TMTC1: variants seen among roughly 807,000 people sequenced by gnomAD.
The protein encoded by TMTC1 is protein O-mannosyl-transferase TMTC1.
A neutral mutation model predicts 104.8 loss-of-function variants in TMTC1; 73 were observed. That is an observed-to-expected ratio of 0.70 (90% CI 0.58 to 0.85). TMTC1 has a LOEUF of 0.85. Among genes scored for constraint, TMTC1 ranks in the 40% least tolerant of loss-of-function variants. TMTC1 has a pLI of 0.00. For synonymous variants in TMTC1, 434 were observed against 428.7 expected (o/e 1.01, Z -0.15); for missense variants, 1,035 against 1,096.1 (o/e 0.94, Z 0.79).
chr12:29,725,999 A>G (rs1261497043), intron 5 of TMTC1, among the ~76,000 whole-genome samples: 1 of 152,262 alleles, frequency 6.6e-6, no homozygotes, highest in Admixed American at 6.5e-5. Flanking sequence ...TTAAAGATCC[A>G]GGCCTTTATA....
In TMTC1 at chr12:29,643,834, T is replaced by C. The variant is rs867690253; in HGVS notation, c.939-10498A>G. Among the ~76,000 whole-genome samples, 145 of 73,582 alleles carry C rather than the reference T, an allele frequency of 2.0e-3. 2 individuals are homozygous for C. Among genetic ancestry groups the C allele is most frequent in the African/African-American group, 8.0e-3 (136 of 17,062 alleles). 48.3% of individuals were successfully genotyped at this position (73,582 alleles called of 152,430 possible). ...ATTTATATATATTTATATATTTATA[T>C]ATATTTATATATTTATATATATTTA... On this transcript the variant is annotated intron_variant, in intron 5 of 17. Transcript: ENST00000539277.
intron 7 of TMTC1, among the ~76,000 whole-genome samples, chr12:29,589,263 T>C (rs1294510517): frequency 6.6e-6 from 1 of 152,198 alleles, no homozygotes; most frequent in Non-Finnish European, 1.5e-5. Flanking sequence ...AAAATCACCT[T>C]TGGAGAAAGG....
intron 6 of TMTC1, among the ~76,000 whole-genome samples, chr12:29,613,183 T>C (rs1337956953): frequency 1.3e-5 from 2 of 152,210 alleles, no homozygotes; most frequent in Non-Finnish European, 2.9e-5. Context: ...AGAAGAGTGA[T>C]GCTGCTCTAA....
intron 5 of TMTC1, among the ~76,000 whole-genome samples, chr12:29,742,108 T>A (rs1442348274): frequency 6.6e-6 from 1 of 152,130 alleles, no homozygotes; most frequent in Non-Finnish European, 1.5e-5. Flanking sequence ...AAATCTCTGA[T>A]AAAGACTTTA....
At chr12:29,575,049 G>A (rs956013851) in intron 8 of TMTC1, among the ~76,000 whole-genome samples, 12 of 152,142 alleles carry the variant, frequency 7.9e-5, no homozygotes, top group African/African-American at 2.9e-4. Context: ...GTGGGAGCAG[G>A]AAGGGATTGT....
At chr12:29,525,260 G>A (rs778113650) in intron 11 of TMTC1, among the ~76,000 whole-genome samples, 9 of 135,158 alleles carry the variant, frequency 6.7e-5, no homozygotes, top group Non-Finnish European at 1.1e-4. Context: ...TCAGCTCACC[G>A]CAACCTCCGT....
chr12:29,728,998 CAAAAAAA>C lies in TMTC1; in HGVS notation c.938+22661_938+22667del, dbSNP rs34267484. Among the ~76,000 whole-genome samples, 47 of 68,740 alleles carry C rather than the reference CAAAAAAA, an allele frequency of 6.8e-4. No homozygotes were observed. The South Asian group carries it at 0.024, about 35-fold the overall frequency. The allele number at this position is 68,740 out of a possible 152,430, so 45.1% of individuals were successfully genotyped here. On this transcript the variant is annotated intron_variant, in intron 5 of 17. Transcript: ENST00000539277. ...TGGTGACAGTGCAAGACTCCATCTC[CAAAAAAA>C]AAAAAAAAAAAAGCACTGCTCTAAA...
intron 6 of TMTC1, among the ~76,000 whole-genome samples, chr12:29,610,223 T>G (rs998103481): frequency 2.0e-5 from 3 of 152,202 alleles, no homozygotes; most frequent in Non-Finnish European, 4.4e-5. Flanking sequence ...CTCGGGCTGG[T>G]GTGAGCTACT....
chr12:29,514,992 G>A (rs1037829378), intron 15 of TMTC1, among the ~76,000 whole-genome samples: 2 of 152,116 alleles, frequency 1.3e-5, no homozygotes, highest in Non-Finnish European at 2.9e-5. Context: ...TCCAGCCTGG[G>A]CAACAGAGGA....
intron 5 of TMTC1, among the ~76,000 whole-genome samples, chr12:29,639,709 G>A (rs141434066): frequency 0.01 from 1,556 of 152,230 alleles, 8 homozygotes; most frequent in Admixed American, 0.02. Context: ...TCTTAATAGC[G>A]CCAAACTGGA....
At chr12:29,723,138 C>T (rs1230407113) in intron 5 of TMTC1, among the ~76,000 whole-genome samples, 4 of 151,872 alleles carry the variant, frequency 2.6e-5, no homozygotes, top group African/African-American at 4.8e-5. Flanking sequence ...AACTGTAGAA[C>T]ACGAAAAGAC....
chr12:29,782,546 G>A (rs73077491), intron 1 of TMTC1, among the ~76,000 whole-genome samples: 10,295 of 152,258 alleles, frequency 0.068, 403 homozygotes, highest in South Asian at 0.13. Context: ...CTTCAATGCT[G>A]AGCCACATTA....
intron 5 of TMTC1, among the ~76,000 whole-genome samples, chr12:29,684,968 TC>T (rs1941045737): frequency 6.6e-6 from 1 of 152,204 alleles, no homozygotes; most frequent in Non-Finnish European, 1.5e-5. Flanking sequence ...AAACCTTTTT[TC>T]CCTTTCTATT....
At chr12:29,759,832 A>G (rs574471572) in intron 2 of TMTC1, among the ~76,000 whole-genome samples, 1 of 152,296 alleles carries the variant, frequency 6.6e-6, no homozygotes, top group South Asian at 2.1e-4. Context: ...ATCCCACCGA[A>G]CAAACTTAAG....
At chr12:29,662,343 C>A (rs1940068979) in intron 5 of TMTC1, among the ~76,000 whole-genome samples, 1 of 152,142 alleles carries the variant, frequency 6.6e-6, no homozygotes, top group Non-Finnish European at 1.5e-5. Flanking sequence ...AAAGAAATGT[C>A]TATCCACCTT....
intron 7 of TMTC1, among the ~76,000 whole-genome samples, chr12:29,588,616 T>C (rs986933730): frequency 1.3e-5 from 2 of 152,178 alleles, no homozygotes; most frequent in Admixed American, 6.5e-5. Context: ...GGAATTCACA[T>C]GGGTAGGGAA....
At chr12:29,514,029 C>G (rs116125475) in intron 16 of TMTC1, among the ~76,000 whole-genome samples, 1 of 151,900 alleles carries the variant, frequency 6.6e-6, no homozygotes. Context: ...GGAATAAGGA[C>G]GGTTAGGGAG....
intron 9 of TMTC1, among the ~76,000 whole-genome samples, chr12:29,570,568 G>A (rs1251357540): frequency 6.6e-6 from 1 of 152,152 alleles, no homozygotes; most frequent in Non-Finnish European, 1.5e-5. Context: ...ATTAGGCCAG[G>A]TGTGGTGGCT....
At chr12:29,642,425 G>A (rs2136546056) in intron 5 of TMTC1, among the ~76,000 whole-genome samples, 1 of 152,262 alleles carries the variant, frequency 6.6e-6, no homozygotes, top group African/African-American at 2.4e-5. Context: ...AGAAGGGATT[G>A]GGGCCTTATC....
Sources: gnomAD v4.1 joint callset for allele counts (sites outside exome capture counted in the v4.1 genomes callset) on GRCh38, gnomAD v4.1.1 for gene constraint, MANE v1.5 for transcripts, NCBI Gene and HGNC (gene_info 2026-07-23, HGNC 2026-07-21) for gene names.